TSHZ2: variants seen among roughly 807,000 people sequenced by gnomAD.
TSHZ2 encodes the protein teashirt homolog 2.
TSHZ2 carries 21 observed loss-of-function variants against 74.4 expected under a neutral mutation model. The ratio of observed to expected loss-of-function variants is 0.28; its 90% CI spans 0.20 to 0.41. The LOEUF (loss-of-function observed/expected upper bound fraction) is 0.41. Ranked by LOEUF, TSHZ2 falls within the 10% of genes least tolerant of loss-of-function variation. The probability of loss-of-function intolerance (pLI) is 1.00; values close to 1 mark genes in which losing one functional copy is unlikely to be tolerated. For missense variants in TSHZ2, 1,244 were observed against 1,293.5 expected (o/e 0.96, Z 0.59); for synonymous variants, 540 against 515.3 (o/e 1.05, Z -0.65).
intron 1 of TSHZ2, among the ~76,000 whole-genome samples, chr20:52,976,116 G>A (rs941644693): frequency 6.6e-6 from 1 of 152,310 alleles, no homozygotes; most frequent in Non-Finnish European, 1.5e-5. Context: ...TAAGTTCCAT[G>A]TTTCAAGGAA....
Position 53,256,444 on chromosome 20 carries a change from T to C in TSHZ2, c.2986T>C (p.Cys996Arg), listed in dbSNP as rs1331352861. ...AGAGGACACAGACTCTAAATTCAAG[T>C]GTAAGTTGTGCTGTCGGACATTTGT... Reference protein sequence around the residue: ...AEEDTDSKFKCKLCCRTFVSK... With the variant: ...AEEDTDSKFKRKLCCRTFVSK... The change falls in exon 2 of 3, where the codon TGT becomes CGT. Residue 996 changes from cysteine (C) to arginine (R), a missense_variant. Around this residue, in one of 6 missense-constraint regions of TSHZ2, gnomAD observed 185 missense variants for 213.3 expected, o/e 0.87. Transcript: ENST00000371497. This position sits in a 1 kb window ranked among gnomAD's most constrained non-coding sequence, Gnocchi z 4.3. The C allele has an allele frequency of 2.2e-5, 35 of 1,613,962 alleles. No homozygotes were observed. Among genetic ancestry groups the C allele is most frequent in the Non-Finnish European group, 3.0e-5 (35 of 1,179,992 alleles).
chr20:53,145,430 C>G (rs1375619672), intron 1 of TSHZ2, among the ~76,000 whole-genome samples: 3 of 152,092 alleles, frequency 2.0e-5, no homozygotes, highest in East Asian at 3.9e-4. Context: ...CACCTTGTAT[C>G]AAGAATTTGA....
intron 2 of TSHZ2, among the ~76,000 whole-genome samples, chr20:53,450,527 AT>A (rs1275169797): frequency 6.6e-6 from 1 of 152,080 alleles, no homozygotes; most frequent in Non-Finnish European, 1.5e-5. Context: ...AAAGACCACT[AT>A]TTTTTTGAGG....
intron 1 of TSHZ2, among the ~76,000 whole-genome samples, chr20:53,240,066 C>T (rs1384193073): frequency 1.3e-5 from 2 of 152,200 alleles, no homozygotes; most frequent in Non-Finnish European, 2.9e-5. Context: ...TTCTTGGCTC[C>T]GTGATGTCAT....
At chr20:53,216,928 G>T (rs1442147386) in intron 1 of TSHZ2, among the ~76,000 whole-genome samples, 3 of 152,178 alleles carry the variant, frequency 2.0e-5, no homozygotes, top group Admixed American at 1.3e-4. Context: ...AGAATTCCGT[G>T]CAGGGCTCCA....
chr20:53,125,938 C>T (rs1233363094), intron 1 of TSHZ2, among the ~76,000 whole-genome samples: 2 of 152,196 alleles, frequency 1.3e-5, no homozygotes, highest in African/African-American at 4.8e-5. Context: ...TCACAAGTCC[C>T]ATGACTTAGT....
chr20:53,355,655 A>C (rs1980817108), intron 2 of TSHZ2, among the ~76,000 whole-genome samples: 1 of 152,248 alleles, frequency 6.6e-6, no homozygotes, highest in Non-Finnish European at 1.5e-5. Context: ...TTTGGGAAGA[A>C]AAAAATGTTC....
intron 2 of TSHZ2, among the ~76,000 whole-genome samples, chr20:53,470,973 T>C (rs1429215635): frequency 1.3e-5 from 2 of 152,200 alleles, no homozygotes; most frequent in African/African-American, 4.8e-5. Flanking sequence ...AACTTCTTTA[T>C]CTTTGGGGTA....
At chr20:53,137,086 T>C (rs1393747309) in intron 1 of TSHZ2, among the ~76,000 whole-genome samples, 1 of 152,038 alleles carries the variant, frequency 6.6e-6, no homozygotes, top group Non-Finnish European at 1.5e-5. Flanking sequence ...TTCCGAAAAA[T>C]TAAAATACAT....
rs1276745879 is a variant in TSHZ2 at position 53,074,398 on chromosome 20, A to G, written c.40+101065A>G. 6.6e-6 allele frequency among the ~76,000 whole-genome samples: 1 copy of G among 152,212 alleles called. No individual in the cohort carries two copies. Among genetic ancestry groups the G allele is most frequent in the African/African-American group, 2.4e-5 (1 of 41,454 alleles). On this transcript the variant is annotated intron_variant, in intron 1 of 2. Coordinates refer to ENST00000371497, the MANE Select transcript of TSHZ2 (RefSeq NM_173485.6). This position sits in a 1 kb window ranked among gnomAD's most constrained non-coding sequence, Gnocchi z 5.9. Reference sequence around the variant, plus strand: ...GGTCTTTGTGTTCTTACAGTGCCTCAATTGCTCACCAGGAAGTGGGCTGGC... The same window carrying G: ...GGTCTTTGTGTTCTTACAGTGCCTCGATTGCTCACCAGGAAGTGGGCTGGC...
At chr20:53,084,598 C>CTGT (rs11472078) in intron 1 of TSHZ2, among the ~76,000 whole-genome samples, 135,965 of 146,318 alleles carry the variant, frequency 0.93, 63,310 homozygotes, top group African/African-American at 0.98. Flanking sequence ...ATCCTTTCCT[C>CTGT]TGTTTTTCTT....
intron 2 of TSHZ2, among the ~76,000 whole-genome samples, chr20:53,393,665 AACACACACACAC>A: frequency 6.7e-6 from 1 of 148,540 alleles, no homozygotes; most frequent in African/African-American, 2.5e-5. Flanking sequence ...TACACACGCA[AACACACACACAC>A]ACACACACAC....
At chr20:53,008,939 A>G (rs1982743728) in intron 1 of TSHZ2, among the ~76,000 whole-genome samples, 1 of 151,558 alleles carries the variant, frequency 6.6e-6, no homozygotes. Flanking sequence ...AACAATTATA[A>G]TAATATACTC....
At chr20:53,212,236 A>C (rs1307235760) in intron 1 of TSHZ2, among the ~76,000 whole-genome samples, 2 of 152,210 alleles carry the variant, frequency 1.3e-5, no homozygotes, top group African/African-American at 4.8e-5. Flanking sequence ...GCAATAATTT[A>C]AAGTGTTACA....
intron 2 of TSHZ2, among the ~76,000 whole-genome samples, chr20:53,390,963 C>T (rs536322746): frequency 1.3e-5 from 2 of 152,270 alleles, no homozygotes; most frequent in Admixed American, 6.5e-5. Context: ...AACTACTCAG[C>T]TCTGATGCAA....
chr20:53,308,555 T>C (rs559994648), intron 2 of TSHZ2, among the ~76,000 whole-genome samples: 2 of 152,250 alleles, frequency 1.3e-5, no homozygotes, highest in South Asian at 2.1e-4. Context: ...CGAATGCACG[T>C]TGAGCTGCCC....
intron 2 of TSHZ2, among the ~76,000 whole-genome samples, chr20:53,440,991 G>C (rs1984291575): frequency 6.6e-6 from 1 of 152,128 alleles, no homozygotes; most frequent in Non-Finnish European, 1.5e-5. Context: ...ACAAATACAT[G>C]TTTATTGGTG....
At chr20:53,203,921 G>A (rs1276979120) in intron 1 of TSHZ2, among the ~76,000 whole-genome samples, 1 of 151,792 alleles carries the variant, frequency 6.6e-6, no homozygotes, top group Admixed American at 6.6e-5. Flanking sequence ...CTTCAAATGT[G>A]ACTGGTCCAA....
intron 2 of TSHZ2, chr20:53,412,592 C>T (rs1184948713): frequency 2.6e-5 from 4 of 152,278 alleles, no homozygotes; most frequent in Non-Finnish European, 5.9e-5. Context: ...TGGGCCGCCA[C>T]TTATGAAGTT....
Sources: gnomAD v4.1 joint callset for allele counts (sites outside exome capture counted in the v4.1 genomes callset) on GRCh38, gnomAD v4.1.1 for gene constraint, gnomAD v4.1.1 regional missense constraint, Gnocchi (gnomAD v3.1) non-coding constraint, MANE v1.5 for transcripts, NCBI Gene and HGNC (gene_info 2026-07-23, HGNC 2026-07-21) for gene names.